Variants in RBFOX1 observed in about 807,000 individuals in gnomAD.
RBFOX1 encodes RNA binding protein fox-1 homolog 1.
RBFOX1 carries 8 observed loss-of-function variants against 57.7 expected under a neutral mutation model. The observed-to-expected ratio is 0.14, with a 90% CI of 0.08 to 0.25. The LOEUF (loss-of-function observed/expected upper bound fraction) is 0.25. Among genes scored for constraint, RBFOX1 ranks in the 10% least tolerant of loss-of-function variants. The pLI is 1.00. For synonymous variants in RBFOX1, 326 were observed against 222.4 expected, an observed-to-expected ratio of 1.47 and a Z score of -4.15; for missense variants, 611 against 548.5, an observed-to-expected ratio of 1.11 and a Z score of -1.14.
intron 3 of RBFOX1, among the ~76,000 whole-genome samples, chr16:6,823,195 G>A (rs975331855): frequency 2.6e-5 from 4 of 151,924 alleles, no homozygotes; most frequent in Non-Finnish European, 5.9e-5. Flanking sequence ...TCCTTCTTAA[G>A]CATTAAGCAT....
chr16:5,827,554 A>G (rs1263018415), intron 3 of RBFOX1, among the ~76,000 whole-genome samples: 1 of 152,048 alleles, frequency 6.6e-6, no homozygotes, highest in Non-Finnish European at 1.5e-5. Flanking sequence ...AGGGCCAGGT[A>G]GTAACTGTTT....
chr16:6,168,846 T>C (rs1035220493), intron 1 of RBFOX1, among the ~76,000 whole-genome samples: 9 of 151,618 alleles, frequency 5.9e-5, no homozygotes, highest in African/African-American at 2.2e-4. Flanking sequence ...ACTCTCCCAG[T>C]GGATTCTCTC....
chr16:6,834,087 C>T (rs35711926), intron 3 of RBFOX1, among the ~76,000 whole-genome samples: 21,053 of 151,408 alleles, frequency 0.14, 1,598 homozygotes, highest in Non-Finnish European at 0.16. Context: ...TTTTTTGAGG[C>T]GGAGTCTCCC....
chr16:7,140,177 T>A (rs1468923466), intron 4 of RBFOX1, among the ~76,000 whole-genome samples: 2 of 146,952 alleles, frequency 1.4e-5, no homozygotes, highest in Non-Finnish European at 3.0e-5. Context: ...TCTCTCTCTC[T>A]CTCTCTCTCT....
chr16:6,415,242 C>CAAAAAAA (rs57296761), intron 2 of RBFOX1, among the ~76,000 whole-genome samples: 3 of 102,098 alleles, frequency 2.9e-5, no homozygotes, highest in Non-Finnish European at 3.9e-5. Context: ...AACTCTGTCA[C>CAAAAAAA]AAAAAAAAAA....
At chr16:5,547,454 A>G (rs2045257985) in intron 2 of RBFOX1, among the ~76,000 whole-genome samples, 2 of 152,342 alleles carry the variant, frequency 1.3e-5, no homozygotes, top group African/African-American at 4.8e-5. Context: ...TATACATGCA[A>G]GAACATGGGT....
rs377445513 is a variant in RBFOX1, at chr16:7,525,527, C to A, written c.270+7138C>A. On this transcript the variant is annotated intron_variant, in intron 5 of 15. Transcript: ENST00000550418. ...TACAGAGAGCTTGCACCGATTTGCA[C>A]CCTCATGGACAGAACCTAAGAAGGC... is the stretch of plus-strand genomic sequence containing the variant. Among the ~76,000 whole-genome samples the A allele has an allele frequency of 2.5e-4, 38 of 152,250 alleles. 2 individuals carry two copies. In the East Asian group the frequency reaches 5.0e-3, roughly 20 times the overall value.
intron 14 of RBFOX1, among the ~76,000 whole-genome samples, chr16:7,685,967 A>G (rs2075977489): frequency 2.6e-5 from 4 of 152,088 alleles, no homozygotes; most frequent in African/African-American, 9.7e-5. Context: ...TACTTACTAC[A>G]CGAGATAATT....
chr16:7,427,675 C>G (rs1007403078), intron 4 of RBFOX1, among the ~76,000 whole-genome samples: 3 of 150,498 alleles, frequency 2.0e-5, no homozygotes, highest in Non-Finnish European at 4.4e-5. Flanking sequence ...GATGGAGTCT[C>G]TCTCTGTTTC....
chr16:5,709,992 C>T (rs969540979), intron 3 of RBFOX1, among the ~76,000 whole-genome samples: 1 of 149,954 alleles, frequency 6.7e-6, no homozygotes, highest in Non-Finnish European at 1.5e-5. Flanking sequence ...GTCTCTAACT[C>T]AGGCGCATTG....
chr16:6,454,015 T>C (rs991668465), intron 2 of RBFOX1, among the ~76,000 whole-genome samples: 4 of 152,216 alleles, frequency 2.6e-5, no homozygotes, highest in African/African-American at 4.8e-5. Flanking sequence ...GCTTGGTTGG[T>C]AGATGGCCGT....
At position 6,988,751 on chromosome 16, in the gene RBFOX1, GTTTT is replaced by G. The variant is rs1491218767; in HGVS notation, c.-15-63303_-15-63300del. On this transcript the variant is annotated intron_variant, in intron 3 of 15. Transcript: ENST00000550418. The stretch of plus-strand genomic sequence containing the variant: ...AGCTAATTTTTTTTTTTGTTTGTTT[GTTTT>G]TTGTTTTTTGTTTTTTGTTTTTTGT... 4.2e-4 allele frequency among the ~76,000 whole-genome samples: 23 copies of G among 54,724 alleles called. 1 individual carries two copies. The highest frequency in any genetic ancestry group is 1.4e-3 in the South Asian group (3 of 2,172). 35.9% of individuals were successfully genotyped at this position (54,724 alleles called of 152,430 possible). A position where few individuals can be genotyped will look rare whatever the true frequency, so the allele number is the denominator to read the frequency against.
chr16:5,438,366 G>T (rs1282713945), intron 1 of RBFOX1, among the ~76,000 whole-genome samples: 2 of 152,194 alleles, frequency 1.3e-5, no homozygotes, highest in Non-Finnish European at 2.9e-5. Context: ...TCAGGTATTT[G>T]TTGAGCATCT....
intron 4 of RBFOX1, among the ~76,000 whole-genome samples, chr16:7,439,157 C>T (rs755617998): frequency 1.3e-4 from 20 of 152,238 alleles, no homozygotes; most frequent in African/African-American, 3.4e-4. Context: ...GTCTTCTTTA[C>T]GCAGGCCTTC....
At chr16:6,627,319 A>G (rs542083891) in intron 2 of RBFOX1, among the ~76,000 whole-genome samples, 2 of 152,290 alleles carry the variant, frequency 1.3e-5, no homozygotes, top group African/African-American at 4.8e-5. Context: ...GGTATACCTT[A>G]CCTACTCTAG....
intron 2 of RBFOX1, among the ~76,000 whole-genome samples, chr16:5,570,577 C>T (rs539018338): frequency 4.9e-4 from 74 of 152,172 alleles, no homozygotes; most frequent in African/African-American, 1.6e-3. Context: ...TGGTGGTTCA[C>T]GCCTGTAATC....
intron 1 of RBFOX1, 68 bp downstream of exon 1, chr16:6,020,060 A>T (rs1306135237): frequency 8.1e-6 from 11 of 1,357,322 alleles, no homozygotes; most frequent in Middle Eastern, 1.9e-4. Context: ...AGAAGGTCTC[A>T]TGGAGGGAAG....
chr16:6,932,338 C>G (rs909776970), intron 3 of RBFOX1, among the ~76,000 whole-genome samples: 4 of 152,132 alleles, frequency 2.6e-5, no homozygotes, highest in Non-Finnish European at 5.9e-5. Flanking sequence ...AACTCCTGAC[C>G]TCAGGTGATC....
At chr16:6,120,608 G>A (rs1467098978) in intron 1 of RBFOX1, among the ~76,000 whole-genome samples, 2 of 152,160 alleles carry the variant, frequency 1.3e-5, no homozygotes, top group East Asian at 3.8e-4. Context: ...ATTATATAAA[G>A]AAATCATCTT....
Sources: allele counts gnomAD v4.1 joint callset (sites outside exome capture counted in the v4.1 genomes callset), GRCh38; gene constraint gnomAD v4.1.1; transcripts MANE v1.5; gene names NCBI Gene and HGNC (gene_info 2026-07-23, HGNC 2026-07-21).